Variants in ZNF566 observed in about 807,000 individuals in gnomAD.
ZNF566 encodes the protein zinc finger protein 566.
ZNF566 carries 27 observed loss-of-function variants against 32.8 expected under a neutral mutation model. That is an observed-to-expected ratio of 0.82 (90% CI 0.61 to 1.14). The LOEUF is 1.14. ZNF566 is among the 50% of genes most tolerant of loss of function. The pLI is 0.00. For synonymous variants in ZNF566, 154 were observed against 159.5 expected (o/e 0.97, Z 0.26); for missense variants, 402 against 490.4 (o/e 0.82, Z 1.70).
intron 3 of ZNF566, 48 bp from the exon 4 acceptor site, chr19:36,473,054 A>C (rs376328379): frequency 6.5e-7 from 1 of 1,526,970 alleles, no homozygotes; most frequent in Non-Finnish European, 9.0e-7. Context: ...AGCATATCCT[A>C]GAATTCAAAT....
rs60642005 is a variant in ZNF566, at chr19:36,466,266, A to T, written c.232+6645T>A. ...GCCTTGTGGCAGGCAAAGATATATT[A>T]AAAAAGACAACAATGTACAGCTGTC... On this transcript the variant is annotated intron_variant, in intron 4 of 4. Coordinates refer to ENST00000452939, the MANE Select transcript of ZNF566 (RefSeq NM_001145344.1). Among the ~76,000 whole-genome samples the T allele has an allele frequency of 4.9e-3, 743 of 152,340 alleles. 6 individuals carry two copies. The highest frequency in any genetic ancestry group is 0.017 in the African/African-American group (697 of 41,580).
chr19:36,485,213 T>A (rs899448503), intron 1 of ZNF566, among the ~76,000 whole-genome samples: 2 of 142,466 alleles, frequency 1.4e-5, no homozygotes, highest in African/African-American at 2.7e-5. Flanking sequence ...AACAGGAGGA[T>A]GGCTTGAAAG....
intron 4 of ZNF566, among the ~76,000 whole-genome samples, chr19:36,465,998 G>C (rs1233149824): frequency 1.3e-5 from 2 of 151,290 alleles, no homozygotes; most frequent in Non-Finnish European, 2.9e-5. Context: ...AAGGAAAAAA[G>C]GAAAAGGTAA....
intron 4 of ZNF566, among the ~76,000 whole-genome samples, chr19:36,458,838 G>A (rs969300989): frequency 6.6e-6 from 1 of 152,224 alleles, no homozygotes; most frequent in South Asian, 2.1e-4. Flanking sequence ...ATACCTAACT[G>A]TATACTGTAA....
Position 36,473,367 on chromosome 19 carries a change from A to G in ZNF566, c.101T>C (p.Val34Ala), listed in dbSNP as rs2033811525. 1 of 1,614,012 alleles carries G rather than the reference A, an allele frequency of 6.2e-7. No individual in the cohort carries two copies. The highest frequency in any genetic ancestry group is 2.2e-5 in the East Asian group (1 of 44,870). Residue 34 changes from valine (V) to alanine (A), a missense_variant, in exon 3 of 5, where the codon GTG (valine) becomes GCG (alanine). Physicochemically the swap from Val to Ala is moderately conservative, Grantham distance 64. Transcript: ENST00000452939. ...NDDQRDLYRDVMLENYSNLVS... is the reference protein window; with the variant it reads ...NDDQRDLYRDAMLENYSNLVS... ...CAGGTTGCTGTAATTCTCCAACATCACATCTCTGTATAAATCTCTCTGATC... is the reference window on the plus strand; with the variant it reads ...CAGGTTGCTGTAATTCTCCAACATCGCATCTCTGTATAAATCTCTCTGATC...
rs1443191073 is a variant in ZNF566, at chr19:36,448,188, G to C, written c.*789C>G. The C allele has an allele frequency of 6.6e-6, 1 of 152,006 alleles. No homozygotes were observed. The highest frequency in any genetic ancestry group is 6.6e-5 in the Admixed American group (1 of 15,248). 9.4% of individuals were successfully genotyped at this position (152,006 alleles called of 1,614,324 possible). The stretch of plus-strand genomic sequence containing the variant: ...GTACATTTGCCTTTTTGTAATGTTT[G>C]CATCTTTTATAAGGAAAATATATTC... On this transcript the variant is annotated 3_prime_UTR_variant, in exon 5 of 5. Transcript: ENST00000452939.
At chr19:36,468,197 A>T (rs555775508) in intron 4 of ZNF566, among the ~76,000 whole-genome samples, 4 of 151,776 alleles carry the variant, frequency 2.6e-5, no homozygotes, top group Non-Finnish European at 5.9e-5. Context: ...AAAAAAAAAA[A>T]AAAAAAAATT....
intron 4 of ZNF566, among the ~76,000 whole-genome samples, chr19:36,453,505 A>AAATT (rs371684071): frequency 3.6e-4 from 36 of 99,800 alleles, no homozygotes; most frequent in East Asian, 2.3e-3. Context: ...ATAAATAAAT[A>AAATT]AATTAATTAA....
At chr19:36,466,453 G>T (rs1312070104) in intron 4 of ZNF566, among the ~76,000 whole-genome samples, 1 of 152,156 alleles carries the variant, frequency 6.6e-6, no homozygotes, top group Non-Finnish European at 1.5e-5. Context: ...CCAACTATAC[G>T]TATTTTACAT....
At chr19:36,454,746 C>T (rs553219276) in intron 4 of ZNF566, among the ~76,000 whole-genome samples, 1 of 152,190 alleles carries the variant, frequency 6.6e-6, no homozygotes, top group South Asian at 2.1e-4. Flanking sequence ...AATCAAAAAC[C>T]TCCCAACAAA....
chr19:36,455,584 A>G (rs2033281086), intron 4 of ZNF566, among the ~76,000 whole-genome samples: 1 of 152,110 alleles, frequency 6.6e-6, no homozygotes, highest in East Asian at 1.9e-4. Context: ...TCTACTAAAA[A>G]TACAAAAATT....
chr19:36,481,253 C>T (rs1190028098), intron 1 of ZNF566, among the ~76,000 whole-genome samples: 1 of 151,888 alleles, frequency 6.6e-6, no homozygotes, highest in Non-Finnish European at 1.5e-5. Flanking sequence ...GGTGGATCAC[C>T]TGAGGTCAGG....
At chr19:36,487,683 G>A (rs928441491) in intron 1 of ZNF566, among the ~76,000 whole-genome samples, 8 of 152,028 alleles carry the variant, frequency 5.3e-5, no homozygotes, top group African/African-American at 1.7e-4. Flanking sequence ...CAAGGTGGGC[G>A]GATCACCTGA....
intron 4 of ZNF566, among the ~76,000 whole-genome samples, chr19:36,453,682 C>T (rs1015836374): frequency 6.6e-6 from 1 of 151,052 alleles, no homozygotes; most frequent in Admixed American, 6.6e-5. Flanking sequence ...ATTATTATTA[C>T]TATTATTATT....
At chr19:36,467,015 G>A (rs2033630123) in intron 4 of ZNF566, among the ~76,000 whole-genome samples, 1 of 150,744 alleles carries the variant, frequency 6.6e-6, no homozygotes, top group South Asian at 2.1e-4. Context: ...CTTGCAGTGA[G>A]CCGAGATGGC....
At chr19:36,475,124 C>T (rs569050498) in intron 2 of ZNF566, among the ~76,000 whole-genome samples, 6 of 152,330 alleles carry the variant, frequency 3.9e-5, no homozygotes, top group African/African-American at 1.4e-4. Flanking sequence ...CATCTCACTG[C>T]AGCCATGACT....
At position 36,477,830 on chromosome 19, in the gene ZNF566, T is replaced by C. The variant is rs566066054; in HGVS notation, c.-59-1214A>G. 3.3e-5 allele frequency among the ~76,000 whole-genome samples: 5 copies of C among 152,232 alleles called. No individual in the cohort carries two copies. The East Asian group carries it at 5.8e-4, about 18-fold the overall frequency. On this transcript the variant is annotated intron_variant, in intron 1 of 4. Coordinates refer to ENST00000452939, the MANE Select transcript of ZNF566 (RefSeq NM_001145344.1). ...CACCCAGCCTTGTGTGTATTCTTTA[T>C]AAACATCTTCACTTTAAGATGTTTA... is the stretch of plus-strand genomic sequence containing the variant.
At chr19:36,456,096 T>C (rs1017465454) in intron 4 of ZNF566, among the ~76,000 whole-genome samples, 3 of 151,644 alleles carry the variant, frequency 2.0e-5, no homozygotes, top group African/African-American at 7.3e-5. Context: ...CAAAAATCGG[T>C]TGTTTCTATA....
chr19:36,459,030 T>C (rs2033390880), intron 4 of ZNF566, among the ~76,000 whole-genome samples: 1 of 152,052 alleles, frequency 6.6e-6, no homozygotes, highest in African/African-American at 2.4e-5. Flanking sequence ...ATATATATAA[T>C]TTTTATTTGC....
Sources: allele counts gnomAD v4.1 joint callset (sites outside exome capture counted in the v4.1 genomes callset), GRCh38; gene constraint gnomAD v4.1.1; transcripts MANE v1.5; gene names NCBI Gene and HGNC (gene_info 2026-07-23, HGNC 2026-07-21).